FAM135A: variants seen among roughly 807,000 people sequenced by gnomAD.
The protein encoded by FAM135A is protein FAM135A.
Under a neutral mutation model 146.8 loss-of-function variants are expected in FAM135A, and 79 were observed. The ratio of observed to expected loss-of-function variants is 0.54; its 90% CI spans 0.45 to 0.65. The LOEUF is 0.65. Among genes scored for constraint, FAM135A ranks in the 30% least tolerant of loss-of-function variants. The probability of loss-of-function intolerance (pLI) is 0.00; values close to 1 mark genes in which losing one functional copy is unlikely to be tolerated. For synonymous variants in FAM135A, 562 were observed against 603.6 expected (o/e 0.93, Z 1.01); for missense variants, 1,623 against 1,758.2 (o/e 0.92, Z 1.38).
chr6:70,439,070 G>A (rs1773868829), intron 4 of FAM135A, among the ~76,000 whole-genome samples: 1 of 152,172 alleles, frequency 6.6e-6, no homozygotes, highest in African/African-American at 2.4e-5. Context: ...TACTCAGGAG[G>A]CTGAGAGGTG....
At position 70,468,424 on chromosome 6, in the gene FAM135A, G is replaced by A. The variant is rs78187073; in HGVS notation, c.158-6986G>A. On this transcript the variant is annotated intron_variant, in intron 5 of 21. Coordinates refer to ENST00000418814, the MANE Select transcript of FAM135A (RefSeq NM_001162529.3). Reference sequence around the variant, plus strand: ...AAGATAGAGGTTTCCTAAGCTTAGGGTTCCTCAATTGTGACCAAAAACCCA... The same window carrying A: ...AAGATAGAGGTTTCCTAAGCTTAGGATTCCTCAATTGTGACCAAAAACCCA... 1.2e-3 allele frequency among the ~76,000 whole-genome samples: 190 copies of A among 152,280 alleles called. 2 individuals carry two copies. Among genetic ancestry groups the A allele is most frequent in the East Asian group, 8.7e-3 (45 of 5,182 alleles).
chr6:70,538,223 A>G (rs1193962016), intron 19 of FAM135A, 68 bp from the exon 20 acceptor site: 3 of 951,064 alleles, frequency 3.2e-6, no homozygotes, highest in Non-Finnish European at 4.3e-6. Flanking sequence ...ATATATTAAA[A>G]TTAATAATCT....
intron 12 of FAM135A, among the ~76,000 whole-genome samples, chr6:70,519,978 A>G (rs568226233): frequency 4.6e-4 from 70 of 152,282 alleles, no homozygotes; most frequent in African/African-American, 1.5e-3. Context: ...CTAGTATTCC[A>G]TATTATTAAA....
chr6:70,434,576 C>T (rs1772514188), intron 4 of FAM135A, among the ~76,000 whole-genome samples: 2 of 152,304 alleles, frequency 1.3e-5, no homozygotes, highest in Admixed American at 6.5e-5. Flanking sequence ...TTGGTAACAA[C>T]CATTTCACAA....
At chr6:70,546,832 C>T (rs946736612) in intron 20 of FAM135A, among the ~76,000 whole-genome samples, 3 of 152,066 alleles carry the variant, frequency 2.0e-5, no homozygotes, top group Non-Finnish European at 4.4e-5. Context: ...AAATAATTTG[C>T]AGGTGGCATA....
chr6:70,508,799 A>G (rs1413150093), intron 12 of FAM135A, among the ~76,000 whole-genome samples: 1 of 152,218 alleles, frequency 6.6e-6, no homozygotes, highest in African/African-American at 2.4e-5. Context: ...GATTTCAGGT[A>G]AACAGCAAAT....
chr6:70,492,103 TG>T (rs1786117247), intron 11 of FAM135A, among the ~76,000 whole-genome samples: 2 of 151,664 alleles, frequency 1.3e-5, no homozygotes, highest in African/African-American at 4.8e-5. Flanking sequence ...ATAATACAAA[TG>T]TAGAAAGACT....
intron 10 of FAM135A, chr6:70,486,246 T>TA (rs1784626211): frequency 6.2e-7 from 1 of 1,613,248 alleles, no homozygotes. Flanking sequence ...ACCATCTAGG[T>TA]ACGTTTACAA....
intron 4 of FAM135A, among the ~76,000 whole-genome samples, chr6:70,448,589 G>C (rs1384489808): frequency 6.6e-6 from 1 of 152,158 alleles, no homozygotes; most frequent in Non-Finnish European, 1.5e-5. Context: ...TGGTGCTAGA[G>C]GAATTAAAGG....
chr6:70,540,195 C>T (rs1039205220), intron 20 of FAM135A, among the ~76,000 whole-genome samples: 3 of 152,096 alleles, frequency 2.0e-5, no homozygotes, highest in African/African-American at 7.2e-5. Context: ...AACTCATACC[C>T]ACGGCTACAC....
chr6:70,515,988 CTCTT>C (rs1265042061), intron 12 of FAM135A, among the ~76,000 whole-genome samples: 6 of 151,890 alleles, frequency 4.0e-5, no homozygotes, highest in Non-Finnish European at 5.9e-5. Flanking sequence ...ATCTTGGTGT[CTCTT>C]TCTATTGGCT....
In FAM135A at chr6:70,525,138, A is replaced by C. The variant is rs560817947; in HGVS notation, c.2054A>C (p.Glu685Ala). The change falls in exon 15 of 22, where the codon GAG (glutamate) becomes GCG (alanine). Residue 685 changes from glutamate to alanine, a missense_variant. Physicochemically the swap from Glu to Ala is moderately radical, Grantham distance 107. This residue lies in a region of FAM135A where 1,061 missense variants were observed against 1,113.8 expected (regional missense o/e 0.95). Coordinates refer to ENST00000418814, the MANE Select transcript of FAM135A (RefSeq NM_001162529.3). ...KLGPWTELRQ[E>A]EILVDNLLPN... ...GGACCTTGGACAGAGCTTCGACAAG[A>C]GGAAATACTTGTGGATAATTTACTA... 4 of 1,570,022 alleles carry C rather than the reference A, an allele frequency of 2.5e-6. No homozygotes were observed. The highest frequency in any genetic ancestry group is 2.7e-5 in the African/African-American group (2 of 72,964).
intron 16 of FAM135A, among the ~76,000 whole-genome samples, chr6:70,529,209 T>C (rs1414026927): frequency 6.6e-6 from 1 of 152,020 alleles, no homozygotes; most frequent in Non-Finnish European, 1.5e-5. Flanking sequence ...AATTAAATTA[T>C]AAATACAGGT....
Position 70,482,245 on chromosome 6 carries a change from A to G in FAM135A, c.823+91A>G, listed in dbSNP as rs776509342. 1.5e-5 allele frequency: 19 copies of G among 1,284,260 alleles called. No individual in the cohort carries two copies. In the East Asian group the frequency reaches 2.0e-4, roughly 13 times the overall value. 79.6% of individuals were successfully genotyped at this position (1,284,260 alleles called of 1,614,324 possible). A position where few individuals can be genotyped will look rare whatever the true frequency, so the allele number is the denominator to read the frequency against. ...CTATCAGCTTTGCCATAGTTTTTCT[A>G]TACTAAAACTACAGTGTTTGTGTGC... On this transcript the variant is annotated intron_variant, in intron 10 of 21. Coordinates refer to ENST00000418814, the MANE Select transcript of FAM135A (RefSeq NM_001162529.3).
intron 2 of FAM135A, among the ~76,000 whole-genome samples, chr6:70,415,915 C>T (rs1329729076): frequency 1.3e-5 from 2 of 152,164 alleles, no homozygotes; most frequent in Non-Finnish European, 2.9e-5. Flanking sequence ...ATCATTTAAA[C>T]ATGCTTAGGG....
intron 4 of FAM135A, among the ~76,000 whole-genome samples, chr6:70,433,413 A>G (rs981194130): frequency 5.9e-5 from 9 of 152,288 alleles, no homozygotes; most frequent in African/African-American, 1.9e-4. Flanking sequence ...CACTGTTAAT[A>G]ATAGGCCCAG....
intron 20 of FAM135A, among the ~76,000 whole-genome samples, chr6:70,539,914 T>A (rs1306526757): frequency 6.6e-6 from 1 of 152,130 alleles, no homozygotes; most frequent in African/African-American, 2.4e-5. Context: ...GAGAATGGCG[T>A]GAACCTGGGA....
At chr6:70,435,482 C>T (rs1305673615) in intron 4 of FAM135A, among the ~76,000 whole-genome samples, 2 of 151,834 alleles carry the variant, frequency 1.3e-5, no homozygotes, top group African/African-American at 4.8e-5. Context: ...TCTGTAGAAC[C>T]CTGTAAACCA....
chr6:70,542,662 T>C (rs1798153963), intron 20 of FAM135A, among the ~76,000 whole-genome samples: 1 of 152,178 alleles, frequency 6.6e-6, no homozygotes, highest in Non-Finnish European at 1.5e-5. Context: ...CTGTCCCATA[T>C]ATACTTTTAT....
Sources: gnomAD v4.1 joint callset for allele counts (sites outside exome capture counted in the v4.1 genomes callset) on GRCh38, gnomAD v4.1.1 for gene constraint, gnomAD v4.1.1 regional missense constraint, MANE v1.5 for transcripts, NCBI Gene and HGNC (gene_info 2026-07-23, HGNC 2026-07-21) for gene names.